The following FLT1 variants were observed in gnomAD, a reference collection of about 807,000 sequenced individuals.
FLT1 encodes the protein fms related receptor tyrosine kinase 1, also known as vascular endothelial growth factor receptor 1.
FLT1 carries 49 observed loss-of-function variants against 156.3 expected under a neutral mutation model. That is an observed-to-expected ratio of 0.31 (90% confidence interval 0.25 to 0.40). The LOEUF is 0.40. Among genes scored for constraint, FLT1 ranks in the 10% least tolerant of loss-of-function variants. The pLI, the probability that FLT1 is intolerant of heterozygous loss-of-function variation, is 1.00. For synonymous variants in FLT1, 594 were observed against 583.8 expected (o/e 1.02, Z -0.25); for missense variants, 1,322 against 1,637.2 (o/e 0.81, Z 3.32).
rs1555236481 is a variant in FLT1, at chr13:28,412,338, C to CTTTCTT, written c.1437-6450_1437-6445dup. Among the ~76,000 whole-genome samples, 2 of 77,732 alleles carry CTTTCTT rather than the reference C, an allele frequency of 2.6e-5. 1 individual carries two copies. The highest frequency in any genetic ancestry group is 5.7e-5 in the Non-Finnish European group (2 of 35,178). The allele number at this position is 77,732 out of a possible 152,430, so 51.0% of individuals were successfully genotyped here. A position where few individuals can be genotyped will look rare whatever the true frequency, so the allele number is the denominator to read the frequency against. ...CTTTCTTTCTTTCTTTCTTTTCTTT[C>CTTTCTT]TTTCTTTCTTTCTCTTTCTTTCTTT... On this transcript the variant is annotated intron_variant, in intron 10 of 29. Transcript: ENST00000282397.
chr13:28,372,019 GGTGTGT>G (rs142534765), intron 14 of FLT1, among the ~76,000 whole-genome samples: 5 of 24,746 alleles, frequency 2.0e-4, no homozygotes, highest in South Asian at 4.3e-3. Context: ...ATAAATCATT[GGTGTGT>G]GTGTGTGTGT....
Position 28,303,091 on chromosome 13 carries a change from A to G in FLT1, c.*76T>C, listed in dbSNP as rs1269216046. The G allele has an allele frequency of 2.4e-5, 33 of 1,362,834 alleles. No individual in the cohort carries two copies. In the East Asian group the frequency reaches 6.9e-4, roughly 28 times the overall value. The allele number at this position is 1,362,834 out of a possible 1,614,324, so 84.4% of individuals were successfully genotyped here. A position where few individuals can be genotyped will look rare whatever the true frequency, so the allele number is the denominator to read the frequency against. ...GATAAAGGTGTAAACTTATATATGC[A>G]TAATACTGGCAAAAGCTAGTTTCCT... is the stretch of plus-strand genomic sequence containing the variant. On this transcript the variant is annotated 3_prime_UTR_variant, in exon 30 of 30. Transcript: ENST00000282397.
intron 16 of FLT1, among the ~76,000 whole-genome samples, chr13:28,342,665 G>A (rs79192441): frequency 0.095 from 14,467 of 152,156 alleles, 882 homozygotes; most frequent in Non-Finnish European, 0.13. Context: ...CAAAACTAAG[G>A]TCCAACCATA....
At chr13:28,400,369 G>T (rs1450606892) in intron 11 of FLT1, among the ~76,000 whole-genome samples, 1 of 152,152 alleles carries the variant, frequency 6.6e-6, no homozygotes, top group East Asian at 1.9e-4. Context: ...AAGAAGAAAA[G>T]TTAAAAATAA....
chr13:28,345,794 C>A, intron 15 of FLT1: 1 of 392,852 alleles, frequency 2.5e-6, no homozygotes, highest in Non-Finnish European at 4.6e-6. Flanking sequence ...AAAAGGCTTT[C>A]CAGAAATTTT....
chr13:28,305,829 T>C (rs1265202847), intron 29 of FLT1, among the ~76,000 whole-genome samples: 1 of 152,214 alleles, frequency 6.6e-6, no homozygotes, highest in East Asian at 1.9e-4. Flanking sequence ...ATTTCATGTG[T>C]GACCCAAGAT....
intron 18 of FLT1, among the ~76,000 whole-genome samples, chr13:28,333,720 G>C (rs1479968247): frequency 6.6e-6 from 1 of 152,206 alleles, no homozygotes; most frequent in African/African-American, 2.4e-5. Context: ...TGAACCTGCA[G>C]TTACAATGGG....
At position 28,322,108 on chromosome 13, in the gene FLT1, A is replaced by C. The variant is rs962240843; in HGVS notation, c.3051+154T>G. On this transcript the variant is annotated intron_variant, in intron 22 of 29. Coordinates refer to ENST00000282397, the MANE Select transcript of FLT1 (RefSeq NM_002019.4). This position sits in a 1 kb window ranked among gnomAD's most constrained non-coding sequence, Gnocchi z 4.3. ...GTATCCATGACTCCTCATTCTCAAA[A>C]CTCCTCATATCAAGGCAAATTAAGG... Among the ~76,000 whole-genome samples the C allele has an allele frequency of 6.6e-6, 1 of 151,940 alleles. No homozygotes were observed. The highest frequency in any genetic ancestry group is 1.5e-5 in the Non-Finnish European group (1 of 67,994).
intron 3 of FLT1, among the ~76,000 whole-genome samples, chr13:28,465,221 G>A (rs1041062332): frequency 1.3e-5 from 2 of 152,040 alleles, no homozygotes; most frequent in Admixed American, 6.5e-5. Context: ...TTTAGAAGTG[G>A]GCTGACTTCC....
chr13:28,473,261 T>G (rs796468188), intron 1 of FLT1, among the ~76,000 whole-genome samples: 4 of 152,192 alleles, frequency 2.6e-5, no homozygotes, highest in African/African-American at 9.6e-5. Flanking sequence ...ATTGCACTCC[T>G]AGGTATCTAC....
At chr13:28,380,852 C>A (rs915648460) in intron 14 of FLT1, among the ~76,000 whole-genome samples, 1 of 152,236 alleles carries the variant, frequency 6.6e-6, no homozygotes, top group East Asian at 1.9e-4. Context: ...AGACTATGGG[C>A]CAGCTTACGT....
intron 2 of FLT1, 22 bp from the exon 3 acceptor site, chr13:28,467,151 C>G: frequency 6.3e-7 from 1 of 1,577,352 alleles, no homozygotes; most frequent in African/African-American, 1.3e-5. Context: ...GATAAGAAAA[C>G]AAAACATATT....
rs1341436830 is a variant in FLT1, at chr13:28,301,589, C to A, written c.*1578G>T. 5.6e-5 allele frequency: 13 copies of A among 233,364 alleles called. No homozygotes were observed. In the Middle Eastern group the frequency reaches 3.8e-3, roughly 69 times the overall value. The allele number at this position is 233,364 out of a possible 1,614,324, so 14.5% of individuals were successfully genotyped here. On this transcript the variant is annotated 3_prime_UTR_variant, in exon 30 of 30. Coordinates refer to ENST00000282397, the MANE Select transcript of FLT1 (RefSeq NM_002019.4). ...ATAAAAGGAAGCATACTCTTCTCCC[C>A]AAGAAGCAGCAATCCACTGTTGCCT...
chr13:28,395,103 T>TA (rs1874965289), intron 12 of FLT1, among the ~76,000 whole-genome samples: 1 of 152,316 alleles, frequency 6.6e-6, no homozygotes, highest in East Asian at 1.9e-4. Context: ...TGCTCTGGAA[T>TA]CTGAGTAGTC....
At chr13:28,414,681 C>T (rs1048014166) in intron 10 of FLT1, among the ~76,000 whole-genome samples, 7 of 152,170 alleles carry the variant, frequency 4.6e-5, no homozygotes, top group Non-Finnish European at 1.0e-4. Context: ...AGCTTTGGTG[C>T]CTGGCCCAAT....
At chr13:28,306,814 G>T in intron 28 of FLT1, 42 bp from the exon 29 acceptor site, 1 of 1,364,494 alleles carries the variant, frequency 7.3e-7, no homozygotes, top group Non-Finnish European at 1.0e-6. Context: ...GCCTGGCCCA[G>T]CGGGGGTCCA....
chr13:28,480,204 A>G (rs1320404735), intron 1 of FLT1, among the ~76,000 whole-genome samples: 2 of 152,078 alleles, frequency 1.3e-5, no homozygotes, highest in Admixed American at 1.3e-4. Flanking sequence ...TACATTCTCT[A>G]TATGACCCCT....
chr13:28,338,798 C>T (rs1490535261), intron 17 of FLT1, among the ~76,000 whole-genome samples: 1 of 152,074 alleles, frequency 6.6e-6, no homozygotes, highest in Non-Finnish European at 1.5e-5. Context: ...TGTAAGCGTG[C>T]GTGTACTTGT....
intron 1 of FLT1, among the ~76,000 whole-genome samples, chr13:28,477,148 T>C (rs1263497602): frequency 6.6e-6 from 1 of 152,220 alleles, no homozygotes; most frequent in Non-Finnish European, 1.5e-5. Context: ...GGGAAACATG[T>C]CTTCCGCATG....
Sources: allele counts gnomAD v4.1 joint callset (sites outside exome capture counted in the v4.1 genomes callset), GRCh38; gene constraint gnomAD v4.1.1; non-coding constraint Gnocchi (gnomAD v3.1); transcripts MANE v1.5; gene names NCBI Gene and HGNC (gene_info 2026-07-23, HGNC 2026-07-21).